Variants in RIC3 observed in about 807,000 individuals in gnomAD.
RIC3 encodes the protein RIC3 acetylcholine receptor chaperone.
In RIC3, 28 loss-of-function variants were observed where a neutral mutation model predicts 27.3. The ratio of observed to expected loss-of-function variants is 1.02; its 90% confidence interval spans 0.76 to 1.41. RIC3 has a LOEUF of 1.41. Among genes scored for constraint, RIC3 ranks in the 40% most tolerant of loss-of-function variants. The probability of loss-of-function intolerance (pLI) is 0.00; values close to 1 mark genes in which losing one functional copy is unlikely to be tolerated. For synonymous variants in RIC3, 184 were observed against 160.4 expected, an observed-to-expected ratio of 1.15 and a Z score of -1.11; for missense variants, 501 against 444.7, an observed-to-expected ratio of 1.13 and a Z score of -1.14.
intron 5 of RIC3, among the ~76,000 whole-genome samples, chr11:8,116,304 C>T (rs924969475): frequency 6.6e-6 from 1 of 152,166 alleles, no homozygotes; most frequent in African/African-American, 2.4e-5. Context: ...AAGACTTAAA[C>T]ATAAGACCTG....
intron 1 of RIC3, among the ~76,000 whole-genome samples, chr11:8,156,203 C>G (rs1950638400): frequency 6.6e-6 from 1 of 152,194 alleles, no homozygotes; most frequent in South Asian, 2.1e-4. Context: ...ACTGGTCTTG[C>G]CAGTTCTCTG....
chr11:8,128,581 C>T (rs1367171736), intron 4 of RIC3, among the ~76,000 whole-genome samples: 1 of 152,028 alleles, frequency 6.6e-6, no homozygotes, highest in Non-Finnish European at 1.5e-5. Context: ...TCCTAGAGGG[C>T]AGTAATAATT....
At chr11:8,118,462 G>A (rs1946105519) in intron 5 of RIC3, among the ~76,000 whole-genome samples, 1 of 141,050 alleles carries the variant, frequency 7.1e-6, no homozygotes, top group Admixed American at 7.5e-5. Flanking sequence ...ACCTAGCCAG[G>A]CTTCAATTTA....
In RIC3 at chr11:8,140,095, C is replaced by T. The variant is rs1277074690; in HGVS notation, c.223G>A (p.Ala75Thr). The T allele has an allele frequency of 6.2e-7, 1 of 1,614,138 alleles. No homozygotes were observed. Among genetic ancestry groups the T allele is most frequent in the Middle Eastern group, 1.7e-4 (1 of 6,060 alleles). ...CCTGATCCTTTGGCCTTTGCAAATG[C>T]CTCGGCAAGGTGAGACCTCTGGAAA... The part of the protein sequence containing the change: ...ARFQRSHLAE[A>T]FAKAKGSGGG... The change falls in exon 2 of 6, where the codon GCA (alanine) becomes ACA (threonine). Residue 75 changes from alanine (A) to threonine (T), a missense_variant. Transcript: ENST00000309737.
the RIC3 span, chr11:8,097,176 T>C: frequency 6.1e-4 from 966 of 1,596,226 alleles, 19 homozygotes; most frequent in South Asian, 0.01. Context: ...GACCACCAAT[T>C]TGGGCTGCTT....
the RIC3 span, chr11:8,095,435 C>T: frequency 6.5e-7 from 1 of 1,528,872 alleles, no homozygotes; most frequent in Admixed American, 2.0e-5. Flanking sequence ...TCATGGACGT[C>T]TGAGAATCCA....
Position 8,151,585 on chromosome 11 carries a change from C to CAAAA in RIC3, c.125-11396_125-11393dup, listed in dbSNP as rs60087055. ...TGGGCGACAGAGTGAAACTCCGTCT[C>CAAAA]AAAAAAAAAAAAAAGACAAATAAAC... On this transcript the variant is annotated intron_variant, in intron 1 of 5. Coordinates refer to ENST00000309737, the MANE Select transcript of RIC3 (RefSeq NM_001206671.4). Among the ~76,000 whole-genome samples, 17 of 61,698 alleles carry CAAAA rather than the reference C, an allele frequency of 2.8e-4. 2 individuals are homozygous for CAAAA. Among genetic ancestry groups the CAAAA allele is most frequent in the African/African-American group, 1.5e-3 (14 of 9,232 alleles). 40.5% of individuals were successfully genotyped at this position (61,698 alleles called of 152,430 possible).
At chr11:8,165,787 G>GTT (rs796291178) in intron 1 of RIC3, among the ~76,000 whole-genome samples, 5 of 56,546 alleles carry the variant, frequency 8.8e-5, no homozygotes, top group South Asian at 6.7e-4. Context: ...GTTTTGTTTT[G>GTT]TTTTTTTTTT....
At chr11:8,121,998 G>A (rs1157645504) in intron 5 of RIC3, among the ~76,000 whole-genome samples, 1 of 152,132 alleles carries the variant, frequency 6.6e-6, no homozygotes, top group African/African-American at 2.4e-5. Flanking sequence ...GGAGGCTGAG[G>A]TGGGAGGATC....
the RIC3 span, chr11:8,094,164 G>A: frequency 1.2e-6 from 2 of 1,613,630 alleles, no homozygotes; most frequent in South Asian, 1.1e-5. Context: ...GCGCCGCTAG[G>A]AAGGAGAAGA....
intron 5 of RIC3, among the ~76,000 whole-genome samples, chr11:8,117,615 GATCT>G (rs76026124): frequency 0.82 from 125,097 of 151,806 alleles, 52,310 homozygotes; most frequent in East Asian, 0.92. Context: ...AAGTTCAAGA[GATCT>G]ATTATACATT....
intron 1 of RIC3, among the ~76,000 whole-genome samples, chr11:8,157,342 T>C (rs369659983): frequency 1.3e-5 from 2 of 152,212 alleles, no homozygotes; most frequent in African/African-American, 4.8e-5. Flanking sequence ...AGAATTTGCC[T>C]TACTTCCTGA....
chr11:8,095,616 G>A, the RIC3 span: 1 of 1,611,816 alleles, frequency 6.2e-7, no homozygotes, highest in Middle Eastern at 1.7e-4. Context: ...CAGCTGGTGG[G>A]GGCGAACGGC....
chr11:8,141,006 T>C (rs1410923221), intron 1 of RIC3, among the ~76,000 whole-genome samples: 1 of 149,232 alleles, frequency 6.7e-6, no homozygotes, highest in Non-Finnish European at 1.5e-5. Context: ...CCACCAGGCC[T>C]GCCCTAAAAG....
At chr11:8,152,464 T>C (rs771509303) in intron 1 of RIC3, among the ~76,000 whole-genome samples, 1 of 152,202 alleles carries the variant, frequency 6.6e-6, no homozygotes, top group Non-Finnish European at 1.5e-5. Flanking sequence ...CAGCCAGTCA[T>C]GGAAAACCAC....
chr11:8,141,121 A>C (rs2133935209), intron 1 of RIC3, among the ~76,000 whole-genome samples: 1 of 150,712 alleles, frequency 6.6e-6, no homozygotes, highest in East Asian at 1.9e-4. Context: ...AAACTGCATC[A>C]ACTAACGAGC....
chr11:8,153,544 C>T (rs545901309), intron 1 of RIC3: 2 of 337,272 alleles, frequency 5.9e-6, no homozygotes, highest in East Asian at 9.1e-5. Context: ...TTCTCTTTTT[C>T]CACTGGTCCT....
At chr11:8,127,972 A>G (rs1227093173) in intron 4 of RIC3, among the ~76,000 whole-genome samples, 1 of 152,226 alleles carries the variant, frequency 6.6e-6, no homozygotes, top group Non-Finnish European at 1.5e-5. Context: ...AGGAAAATGG[A>G]AAACACCACG....
chr11:8,149,122 G>A (rs999218537), intron 1 of RIC3, among the ~76,000 whole-genome samples: 2 of 151,780 alleles, frequency 1.3e-5, no homozygotes, highest in African/African-American at 2.4e-5. Flanking sequence ...GAATCCGGGA[G>A]GCGGAGCTTG....
Sources: allele counts gnomAD v4.1 joint callset (sites outside exome capture counted in the v4.1 genomes callset), GRCh38; gene constraint gnomAD v4.1.1; transcripts MANE v1.5; gene names NCBI Gene and HGNC (gene_info 2026-07-23, HGNC 2026-07-21).